TBC1D5: variants seen among roughly 807,000 people sequenced by gnomAD.
The protein encoded by TBC1D5 is TBC1 domain family, member 5.
A neutral mutation model predicts 100.3 loss-of-function variants in TBC1D5; 75 were observed. The observed-to-expected ratio is 0.75, with a 90% CI of 0.62 to 0.91. The LOEUF (loss-of-function observed/expected upper bound fraction) is 0.91. Ranked by LOEUF, TBC1D5 falls within the 40% of genes least tolerant of loss-of-function variation. The pLI, the probability that TBC1D5 is intolerant of heterozygous loss-of-function variation, is 0.00. For synonymous variants in TBC1D5, 323 were observed against 325.6 expected, an observed-to-expected ratio of 0.99 and a Z score of 0.09; for missense variants, 910 against 942.4, an observed-to-expected ratio of 0.97 and a Z score of 0.45.
intron 18 of TBC1D5, among the ~76,000 whole-genome samples, chr3:17,200,396 T>C (rs2071314310): frequency 6.6e-6 from 1 of 152,216 alleles, no homozygotes; most frequent in African/African-American, 2.4e-5. Context: ...GAGTCCCACC[T>C]CCTGTCAGAT....
rs114247196 is a variant in TBC1D5 at position 17,199,362 on chromosome 3, G to C, written c.1753-14154C>G. ...TATTATAGTTTGACAGTTGTCTAGA[G>C]ATGAATTTAAGATTTCCATAAATGT... On this transcript the variant is annotated intron_variant, in intron 18 of 21. Transcript: ENST00000253692. Among the ~76,000 whole-genome samples the C allele has an allele frequency of 4.6e-3, 701 of 152,278 alleles. 1 individual carries two copies. The highest frequency in any genetic ancestry group is 0.016 in the African/African-American group (665 of 41,548).
intron 8 of TBC1D5, among the ~76,000 whole-genome samples, chr3:17,392,286 T>C (rs1447076083): frequency 2.0e-5 from 3 of 152,084 alleles, no homozygotes; most frequent in Admixed American, 2.0e-4. Context: ...CTGGTTGTAA[T>C]ATTGGTGCAG....
intron 3 of TBC1D5, among the ~76,000 whole-genome samples, chr3:17,483,599 T>C (rs1403400948): frequency 3.3e-5 from 5 of 152,204 alleles, no homozygotes; most frequent in East Asian, 3.8e-4. Context: ...TTGATATGTA[T>C]GCAATAATTA....
intron 16 of TBC1D5, among the ~76,000 whole-genome samples, chr3:17,242,327 T>TAGA (rs1475265367): frequency 3.3e-5 from 5 of 152,166 alleles, no homozygotes; most frequent in Non-Finnish European, 7.4e-5. Flanking sequence ...TTTCTTCCTC[T>TAGA]ATGTTTATTT....
chr3:17,663,993 CCAA>C (rs2066952126), intron 1 of TBC1D5, among the ~76,000 whole-genome samples: 1 of 152,116 alleles, frequency 6.6e-6, no homozygotes, highest in East Asian at 1.9e-4. Context: ...TTACAACAAC[CCAA>C]CATCTTTCGA....
At chr3:17,181,048 C>T (rs1414150934) in intron 19 of TBC1D5, among the ~76,000 whole-genome samples, 1 of 151,974 alleles carries the variant, frequency 6.6e-6, no homozygotes, top group African/African-American at 2.4e-5. Context: ...GTTTCTGAGA[C>T]AGCTCTCACA....
intron 8 of TBC1D5, among the ~76,000 whole-genome samples, chr3:17,392,937 C>A (rs962592431): frequency 1.3e-5 from 2 of 152,132 alleles, no homozygotes; most frequent in African/African-American, 4.8e-5. Flanking sequence ...GAGGAATTGC[C>A]ACACTGTCTT....
chr3:17,694,794 G>A (rs2071747688), intron 1 of TBC1D5, among the ~76,000 whole-genome samples: 1 of 152,262 alleles, frequency 6.6e-6, no homozygotes, highest in South Asian at 2.1e-4. Context: ...ACACACAATT[G>A]TCAGATTCAC....
intron 10 of TBC1D5, 117 bp from the exon 11 acceptor site, chr3:17,374,796 T>G: frequency 1.0e-6 from 1 of 981,348 alleles, no homozygotes; most frequent in Non-Finnish European, 1.5e-6. Context: ...AAAAAATTAG[T>G]CTTTTTTAAT....
chr3:17,515,900 T>C (rs2153275081), intron 2 of TBC1D5, among the ~76,000 whole-genome samples: 1 of 152,316 alleles, frequency 6.6e-6, no homozygotes, highest in East Asian at 1.9e-4. Context: ...TCACACTTGA[T>C]CTTTGGAATC....
chr3:17,188,465 A>G (rs529785561), intron 18 of TBC1D5, among the ~76,000 whole-genome samples: 15 of 152,324 alleles, frequency 9.8e-5, no homozygotes, highest in Admixed American at 7.8e-4. Context: ...CAAAAGCCAA[A>G]TATGTGAGAT....
intron 3 of TBC1D5, among the ~76,000 whole-genome samples, chr3:17,500,350 A>G (rs2095769944): frequency 6.7e-6 from 1 of 149,558 alleles, no homozygotes; most frequent in Non-Finnish European, 1.5e-5. Flanking sequence ...GGTTCTCAAC[A>G]CAATGTAAGA....
At chr3:17,507,513 T>C (rs1420509555) in intron 3 of TBC1D5, among the ~76,000 whole-genome samples, 1 of 152,088 alleles carries the variant, frequency 6.6e-6, no homozygotes, top group East Asian at 1.9e-4. Flanking sequence ...CCACTTTAGG[T>C]GGGGGTCAAT....
At chr3:17,167,966 A>G (rs1455627419) in intron 19 of TBC1D5, 138 bp from the exon 21 acceptor site, 4 of 644,076 alleles carry the variant, frequency 6.2e-6, no homozygotes, top group Non-Finnish European at 1.1e-5. Context: ...TGCTCTGCAA[A>G]CTGCGGATGG....
intron 13 of TBC1D5, among the ~76,000 whole-genome samples, chr3:17,310,737 C>T (rs1174292036): frequency 1.3e-5 from 2 of 151,862 alleles, no homozygotes; most frequent in Admixed American, 6.6e-5. Flanking sequence ...TCATTAGATG[C>T]CTAGCATGTT....
At chr3:17,588,254 GA>G (rs556546467) in intron 2 of TBC1D5, among the ~76,000 whole-genome samples, 3,825 of 74,044 alleles carry the variant, frequency 0.052, 118 homozygotes, top group African/African-American at 0.13. Context: ...CAAGAAAGGA[GA>G]AAAAAAAAAA....
intron 1 of TBC1D5, among the ~76,000 whole-genome samples, chr3:17,637,527 C>T (rs1209712695): frequency 6.6e-6 from 1 of 151,470 alleles, no homozygotes; most frequent in Non-Finnish European, 1.5e-5. Context: ...TCTTATATAA[C>T]AGACCCGAAG....
intron 13 of TBC1D5, among the ~76,000 whole-genome samples, chr3:17,318,883 A>G (rs1198602062): frequency 6.6e-6 from 1 of 152,192 alleles, no homozygotes. Flanking sequence ...GATGAATCGC[A>G]ATCTGCTAGT....
intron 15 of TBC1D5, among the ~76,000 whole-genome samples, chr3:17,271,095 C>T (rs903008402): frequency 1.3e-4 from 20 of 152,044 alleles, no homozygotes; most frequent in Admixed American, 2.6e-4. Flanking sequence ...TTTGGCTATT[C>T]AGGCTCTTTT....
Sources: gnomAD v4.1 joint callset for allele counts (sites outside exome capture counted in the v4.1 genomes callset) on GRCh38, gnomAD v4.1.1 for gene constraint, MANE v1.5 for transcripts, NCBI Gene and HGNC (gene_info 2026-07-23, HGNC 2026-07-21) for gene names.